PLD1: variants seen among roughly 807,000 people sequenced by gnomAD.
The protein encoded by PLD1 is choline phosphatase 1.
PLD1 carries 112 observed loss-of-function variants against 137.1 expected under a neutral mutation model. The ratio of observed to expected loss-of-function variants is 0.82; its 90% CI spans 0.70 to 0.96. The LOEUF (loss-of-function observed/expected upper bound fraction) is 0.96. PLD1 is among the 40% of genes least tolerant of loss of function. The probability of loss-of-function intolerance (pLI) is 0.00; values close to 1 mark genes in which losing one functional copy is unlikely to be tolerated. For synonymous variants in PLD1, 431 were observed against 454.7 expected, an observed-to-expected ratio of 0.95 and a Z score of 0.66; for missense variants, 1,321 against 1,342.0, an observed-to-expected ratio of 0.98 and a Z score of 0.24.
chr3:171,737,773 C>A, intron 2 of PLD1, 114 bp from the exon 3 acceptor site: 1 of 1,329,220 alleles, frequency 7.5e-7, no homozygotes, highest in East Asian at 2.3e-5. Context: ...ATAAAATGAT[C>A]TGAGCCCGGT....
At chr3:171,630,834 A>G (rs1734596356) in intron 23 of PLD1, among the ~76,000 whole-genome samples, 1 of 133,940 alleles carries the variant, frequency 7.5e-6, no homozygotes, top group Non-Finnish European at 1.5e-5. Context: ...CGGACACAGG[A>G]AGGGGAACAT....
intron 25 of PLD1, among the ~76,000 whole-genome samples, chr3:171,608,464 A>C (rs1380067188): frequency 6.6e-6 from 1 of 152,242 alleles, no homozygotes; most frequent in East Asian, 1.9e-4. Flanking sequence ...TGAATAACCA[A>C]GATTATTTTG....
chr3:171,625,273 A>T (rs1560155427), intron 23 of PLD1, among the ~76,000 whole-genome samples: 1 of 152,204 alleles, frequency 6.6e-6, no homozygotes, highest in Non-Finnish European at 1.5e-5. Context: ...TCTGAGATCA[A>T]ACTGCAAGGT....
chr3:171,607,468 A>G (rs1732301536), intron 25 of PLD1, among the ~76,000 whole-genome samples: 1 of 152,204 alleles, frequency 6.6e-6, no homozygotes. Context: ...AAGTATTTAA[A>G]TAAGTCTAAA....
At position 171,738,062 on chromosome 3, in the gene PLD1, G is replaced by T; in HGVS notation, c.-11C>A. 6.2e-7 allele frequency: 1 copy of T among 1,609,074 alleles called. No homozygotes were observed. Among genetic ancestry groups the T allele is most frequent in the Non-Finnish European group, 8.5e-7 (1 of 1,177,538 alleles). On this transcript the variant is annotated 5_prime_UTR_variant, in exon 2 of 27. Coordinates refer to ENST00000351298, the MANE Select transcript of PLD1 (RefSeq NM_002662.5). ...GTTTTTCAGTGACATGTTAACTTTG[G>T]ACAGAGTAAAAGCAAAGGGGCTAGG...
intron 23 of PLD1, among the ~76,000 whole-genome samples, chr3:171,620,742 CTATA>C (rs869115087): frequency 0.056 from 5,296 of 94,466 alleles, 178 homozygotes; most frequent in African/African-American, 0.11. Flanking sequence ...CTCTCTCTCT[CTATA>C]TATATATATA....
intron 1 of PLD1, among the ~76,000 whole-genome samples, chr3:171,752,450 C>G (rs1720732359): frequency 6.6e-6 from 1 of 152,204 alleles, no homozygotes; most frequent in Non-Finnish European, 1.5e-5. Context: ...GCAGCTCTTT[C>G]CCTCTTGCTG....
At chr3:171,741,171 T>C (rs1220273582) in intron 1 of PLD1, among the ~76,000 whole-genome samples, 1 of 152,246 alleles carries the variant, frequency 6.6e-6, no homozygotes, top group Non-Finnish European at 1.5e-5. Flanking sequence ...TTTACTTTTA[T>C]GGTTTATAAT....
chr3:171,723,428 A>T (rs2108236475), intron 8 of PLD1, among the ~76,000 whole-genome samples: 1 of 152,340 alleles, frequency 6.6e-6, no homozygotes, highest in East Asian at 1.9e-4. Context: ...GTGCTTCAAC[A>T]CAGATGGAAG....
chr3:171,776,205 C>A (rs1471800454), intron 1 of PLD1, among the ~76,000 whole-genome samples: 1 of 152,164 alleles, frequency 6.6e-6, no homozygotes, highest in African/African-American at 2.4e-5. Context: ...TGCGCCAGTG[C>A]TGCAGCGGAC....
At chr3:171,666,757 AAATCT>A (rs2108450481) in intron 19 of PLD1, among the ~76,000 whole-genome samples, 1 of 152,360 alleles carries the variant, frequency 6.6e-6, no homozygotes, top group Non-Finnish European at 1.5e-5. Flanking sequence ...GCTGGGAATC[AAATCT>A]AATCTATACT....
At chr3:171,609,466 G>A (rs1482954315) in intron 25 of PLD1, among the ~76,000 whole-genome samples, 1 of 149,636 alleles carries the variant, frequency 6.7e-6, no homozygotes, top group South Asian at 2.2e-4. Flanking sequence ...CACAGTGTTG[G>A]AATCAACCTA....
rs1394586568 is a variant in PLD1 at position 171,708,621 on chromosome 3, G to T, written c.1145+134C>A. On this transcript the variant is annotated intron_variant, in intron 11 of 26. Transcript: ENST00000351298. Reference sequence around the variant, plus strand: ...CCTTTCACTGAAGGCTTAGTCAACTGGTTGAGACCCTGGCCAAACCATCCA... The same window carrying T: ...CCTTTCACTGAAGGCTTAGTCAACTTGTTGAGACCCTGGCCAAACCATCCA... The T allele has an allele frequency of 5.4e-6, 3 of 558,720 alleles. No homozygotes were observed. The East Asian group carries it at 8.6e-5, about 16-fold the overall frequency. 34.6% of individuals were successfully genotyped at this position (558,720 alleles called of 1,614,324 possible).
At chr3:171,637,359 C>G (rs984058320) in intron 23 of PLD1, among the ~76,000 whole-genome samples, 1 of 152,146 alleles carries the variant, frequency 6.6e-6, no homozygotes, top group Non-Finnish European at 1.5e-5. Context: ...CCTCAGCCTC[C>G]CGAGTAGCTG....
intron 11 of PLD1, among the ~76,000 whole-genome samples, chr3:171,708,296 A>G (rs1161884163): frequency 1.3e-5 from 2 of 152,194 alleles, no homozygotes; most frequent in Non-Finnish European, 2.9e-5. Flanking sequence ...ATGTATCTCT[A>G]GAACAGCTGA....
chr3:171,737,465 GA>G, intron 3 of PLD1, 66 bp downstream of exon 3: 1 of 1,340,330 alleles, frequency 7.5e-7, no homozygotes, highest in Non-Finnish European at 1.0e-6. Context: ...GGAGGAAAAT[GA>G]AAGGCTATGT....
In PLD1 at chr3:171,735,540, T is replaced by C; in HGVS notation, c.386A>G (p.Glu129Gly). The change falls in exon 4 of 27, where the codon GAG (glutamate) becomes GGG (glycine). Residue 129 changes from glutamate to glycine, a missense_variant. Coordinates refer to ENST00000351298, the MANE Select transcript of PLD1 (RefSeq NM_002662.5). ...GATAAAGGCTTTGTACTTGAGCAGCTCTCTGTGAAATTCTTGAAAATGCTT... is the reference window on the plus strand; with the variant it reads ...GATAAAGGCTTTGTACTTGAGCAGCCCTCTGTGAAATTCTTGAAAATGCTT... The part of the protein sequence containing the change: ...KFKHFQEFHR[E>G]LLKYKAFIRI... 1 of 1,613,288 alleles carries C rather than the reference T, an allele frequency of 6.2e-7. No homozygotes were observed. Among genetic ancestry groups the C allele is most frequent in the Non-Finnish European group, 8.5e-7 (1 of 1,179,200 alleles).
At chr3:171,613,873 C>T (rs1732879382) in intron 24 of PLD1, among the ~76,000 whole-genome samples, 1 of 152,178 alleles carries the variant, frequency 6.6e-6, no homozygotes, top group Admixed American at 6.5e-5. Context: ...AGGTGTCCTG[C>T]AAACTACAGA....
At chr3:171,710,869 G>GTTTTTTTTTTTTTTTTTTTTTTTT (rs1281179100) in intron 9 of PLD1, among the ~76,000 whole-genome samples, 18 of 98,624 alleles carry the variant, frequency 1.8e-4, no homozygotes, top group African/African-American at 2.7e-4. Context: ...TAGGAAAACT[G>GTTTTTTTTTTTTTTTTTTTTTTTT]TTCTTTTTTT....
Sources: gnomAD v4.1 joint callset for allele counts (sites outside exome capture counted in the v4.1 genomes callset) on GRCh38, gnomAD v4.1.1 for gene constraint, MANE v1.5 for transcripts, NCBI Gene and HGNC (gene_info 2026-07-23, HGNC 2026-07-21) for gene names.